Variants in TRERF1 observed in about 807,000 individuals in gnomAD.
TRERF1 encodes transcriptional-regulating factor 1.
In TRERF1, 27 loss-of-function variants were observed where a neutral mutation model predicts 122.9. The ratio of observed to expected loss-of-function variants is 0.22; its 90% CI spans 0.16 to 0.30. TRERF1 has a LOEUF of 0.30. Ranked by LOEUF, TRERF1 falls within the 10% of genes least tolerant of loss-of-function variation. TRERF1 has a pLI of 1.00. For synonymous variants in TRERF1, 636 were observed against 641.7 expected (o/e 0.99, Z 0.13); for missense variants, 1,248 against 1,560.3 (o/e 0.80, Z 3.37).
At chr6:42,384,150 T>C (rs1776409785) in intron 2 of TRERF1, among the ~76,000 whole-genome samples, 1 of 152,078 alleles carries the variant, frequency 6.6e-6, no homozygotes, top group African/African-American at 2.4e-5. Context: ...TACTCCTATA[T>C]ATGCAAAAAC....
chr6:42,348,905 C>G (rs558606189), intron 3 of TRERF1, among the ~76,000 whole-genome samples: 4 of 152,144 alleles, frequency 2.6e-5, no homozygotes, highest in African/African-American at 9.7e-5. Context: ...GGAAGACTCA[C>G]GAGATAGTGA....
chr6:42,262,382 G>A (rs1031300077), intron 8 of TRERF1, among the ~76,000 whole-genome samples: 1 of 150,680 alleles, frequency 6.6e-6, no homozygotes, highest in Non-Finnish European at 1.5e-5. Context: ...ACTTTGTGGG[G>A]AGGGGGTAGG....
intron 2 of TRERF1, among the ~76,000 whole-genome samples, chr6:42,405,628 C>T (rs1463706010): frequency 6.6e-6 from 1 of 151,750 alleles, no homozygotes; most frequent in East Asian, 1.9e-4. Context: ...AACCTTGTCT[C>T]TCAAACAAAT....
chr6:42,441,708 C>A (rs541848213), intron 2 of TRERF1, among the ~76,000 whole-genome samples: 5 of 152,082 alleles, frequency 3.3e-5, no homozygotes, highest in Admixed American at 6.5e-5. Flanking sequence ...CTGAAGTAAG[C>A]ATTTTTACAG....
chr6:42,430,168 G>A (rs1434960383), intron 2 of TRERF1, among the ~76,000 whole-genome samples: 3 of 151,912 alleles, frequency 2.0e-5, no homozygotes, highest in African/African-American at 7.3e-5. Flanking sequence ...GGTGGGGGCC[G>A]CTGATGGGTT....
chr6:42,390,005 A>C (rs939051615), intron 2 of TRERF1, among the ~76,000 whole-genome samples: 2 of 152,196 alleles, frequency 1.3e-5, no homozygotes, highest in Non-Finnish European at 2.9e-5. Context: ...GGGTTTTGTT[A>C]AAGTTAATAT....
intron 2 of TRERF1, among the ~76,000 whole-genome samples, chr6:42,396,021 T>C (rs907832245): frequency 6.6e-6 from 1 of 152,144 alleles, no homozygotes; most frequent in African/African-American, 2.4e-5. Context: ...CGTGTATGTG[T>C]GCACACACAC....
At chr6:42,299,139 T>TATCTAC (rs1785658832) in intron 4 of TRERF1, among the ~76,000 whole-genome samples, 1 of 114,058 alleles carries the variant, frequency 8.8e-6, no homozygotes, top group African/African-American at 4.0e-5. Context: ...TCTATCTACA[T>TATCTAC]ATATATATAT....
chr6:42,388,277 GA>G (rs1186205146), intron 2 of TRERF1, among the ~76,000 whole-genome samples: 1 of 151,274 alleles, frequency 6.6e-6, no homozygotes, highest in Non-Finnish European at 1.5e-5. Context: ...AACAGGATGG[GA>G]AATACTAACA....
intron 2 of TRERF1, among the ~76,000 whole-genome samples, chr6:42,408,287 GTGTGTGTATGTATATATACATACTCA>G (rs1780566970): frequency 1.5e-5 from 2 of 130,972 alleles, no homozygotes; most frequent in Non-Finnish European, 3.1e-5. Flanking sequence ...ACATACACAT[GTGTGTGTATGTATATATACATACTCA>G]TGTGTGTGTA....
Position 42,348,232 on chromosome 6 carries a change from TTTTTTTC to T in TRERF1, c.-371+14758_-371+14764del, listed in dbSNP as rs546845060. On this transcript the variant is annotated intron_variant, in intron 3 of 17. Transcript: ENST00000372922. The stretch of plus-strand genomic sequence containing the variant: ...ACACACACCCATACTTCCCTGGCTC[TTTTTTTC>T]TTTTTTCTTTTTCTTCTTTTTCTTT... Among the ~76,000 whole-genome samples the T allele has an allele frequency of 7.2e-3, 1,094 of 152,108 alleles. 5 individuals are homozygous for T. Among genetic ancestry groups the T allele is most frequent in the Non-Finnish European group, 0.011 (747 of 67,956 alleles).
intron 2 of TRERF1, among the ~76,000 whole-genome samples, chr6:42,395,907 G>A (rs932459201): frequency 6.6e-6 from 1 of 151,984 alleles, no homozygotes; most frequent in Admixed American, 6.5e-5. Flanking sequence ...ACTACCTCAC[G>A]CTCACTGAGA....
chr6:42,270,588 G>A (rs1780038802), intron 4 of TRERF1, among the ~76,000 whole-genome samples: 1 of 152,104 alleles, frequency 6.6e-6, no homozygotes, highest in Non-Finnish European at 1.5e-5. Flanking sequence ...GTTAGAAAAG[G>A]TGATGAGTCG....
At chr6:42,423,319 A>T (rs891764952) in intron 2 of TRERF1, among the ~76,000 whole-genome samples, 1 of 152,264 alleles carries the variant, frequency 6.6e-6, no homozygotes, top group Non-Finnish European at 1.5e-5. Context: ...AGAAGAGCGA[A>T]AGTGAGGAAG....
At chr6:42,233,532 G>A (rs181976808) in intron 16 of TRERF1, among the ~76,000 whole-genome samples, 194 of 152,160 alleles carry the variant, frequency 1.3e-3, no homozygotes, top group East Asian at 4.4e-3. Flanking sequence ...TGATCTGCCC[G>A]CCTTGGCCTC....
intron 15 of TRERF1, among the ~76,000 whole-genome samples, chr6:42,236,887 A>T (rs761059910): frequency 2.6e-5 from 4 of 152,232 alleles, no homozygotes; most frequent in African/African-American, 4.8e-5. Context: ...TAGAGGCTTT[A>T]TAACACACCA....
chr6:42,412,650 C>T (rs1781280200), intron 2 of TRERF1, among the ~76,000 whole-genome samples: 1 of 152,128 alleles, frequency 6.6e-6, no homozygotes, highest in Admixed American at 6.5e-5. Context: ...AGTGGTGGGG[C>T]ATGACGGCTC....
At chr6:42,417,757 G>A (rs1490967675) in intron 2 of TRERF1, among the ~76,000 whole-genome samples, 2 of 152,168 alleles carry the variant, frequency 1.3e-5, no homozygotes, top group African/African-American at 4.8e-5. Context: ...GAGCCCCTGT[G>A]GGCTCCAGGG....
intron 2 of TRERF1, among the ~76,000 whole-genome samples, chr6:42,417,256 C>T (rs1400069420): frequency 6.6e-6 from 1 of 152,138 alleles, no homozygotes; most frequent in African/African-American, 2.4e-5. Context: ...TGGCCCATTC[C>T]CCTCTCAGTG....
Sources: allele counts gnomAD v4.1 joint callset (sites outside exome capture counted in the v4.1 genomes callset), GRCh38; gene constraint gnomAD v4.1.1; transcripts MANE v1.5; gene names NCBI Gene and HGNC (gene_info 2026-07-23, HGNC 2026-07-21).